Variants in FSTL4 observed in about 807,000 individuals in gnomAD.
FSTL4 encodes the protein follistatin-related protein 4.
FSTL4 carries 28 observed loss-of-function variants against 78.2 expected under a neutral mutation model. The observed-to-expected ratio is 0.36, with a 90% confidence interval of 0.27 to 0.49. The LOEUF (loss-of-function observed/expected upper bound fraction) is 0.49. Ranked by LOEUF, FSTL4 falls within the 20% of genes least tolerant of loss-of-function variation. The pLI, the probability that FSTL4 is intolerant of heterozygous loss-of-function variation, is 0.98. For missense variants in FSTL4, 922 were observed against 1,084.9 expected (o/e 0.85, Z 2.11); for synonymous variants, 422 against 440.5 (o/e 0.96, Z 0.53).
At chr5:133,808,441 A>G in the FSTL4 span, among the ~76,000 whole-genome samples, 1 of 152,178 alleles carries the variant, frequency 6.6e-6, no homozygotes, top group Non-Finnish European at 1.5e-5. Context: ...GCTACCAGAC[A>G]TGACTCTTGT....
At chr5:133,841,475 C>T in the FSTL4 span, among the ~76,000 whole-genome samples, 3 of 152,150 alleles carry the variant, frequency 2.0e-5, no homozygotes, top group African/African-American at 2.4e-5. Flanking sequence ...TACAGGAGCC[C>T]GAGTTCTTCT....
chr5:133,626,473 G>T, the FSTL4 span, among the ~76,000 whole-genome samples: 1 of 148,524 alleles, frequency 6.7e-6, no homozygotes, highest in African/African-American at 2.5e-5. Context: ...AAAGTACTTG[G>T]ATTACAGGTG....
At chr5:133,364,149 AAC>A (rs1421236284) in intron 4 of FSTL4, among the ~76,000 whole-genome samples, 4 of 152,208 alleles carry the variant, frequency 2.6e-5, no homozygotes. Context: ...AGAAATATGG[AAC>A]CAAGAGTGCC....
chr5:133,320,832 C>T (rs1754029569), intron 4 of FSTL4, among the ~76,000 whole-genome samples: 2 of 151,988 alleles, frequency 1.3e-5, no homozygotes, highest in African/African-American at 2.4e-5. Context: ...ACGGTGAAAC[C>T]CCGTCTCTAC....
chr5:133,220,772 G>A lies in FSTL4; in HGVS notation c.1434C>T (p.Pro478=), dbSNP rs1446883857. The change falls in exon 12 of 16, where the codon CCC becomes CCT. Residue 478 remains proline (P), a synonymous_variant. Transcript: ENST00000265342. ...VDCEIQRHLK[P]TEKIFMSYEE... is the part of the protein sequence containing the mutation. ...CATAGCTCATGAAAATCTTTTCCGTGGGTTTGAGGTGCCTCTGGATCTCAC... is the reference window on the plus strand; with the variant it reads ...CATAGCTCATGAAAATCTTTTCCGTAGGTTTGAGGTGCCTCTGGATCTCAC... 1 of 1,600,724 alleles carries A rather than the reference G, an allele frequency of 6.2e-7. No individual in the cohort carries two copies. The highest frequency in any genetic ancestry group is 1.1e-5 in the South Asian group (1 of 90,782).
At chr5:133,798,988 G>A in the FSTL4 span, among the ~76,000 whole-genome samples, 2 of 86,294 alleles carry the variant, frequency 2.3e-5, no homozygotes, top group Non-Finnish European at 5.5e-5. Context: ...GAGGGAGGGA[G>A]GAAGGGAGGG....
intron 7 of FSTL4, among the ~76,000 whole-genome samples, chr5:133,241,325 G>A (rs1751866924): frequency 6.6e-6 from 1 of 152,262 alleles, no homozygotes; most frequent in Non-Finnish European, 1.5e-5. Context: ...TATGTCAGAA[G>A]TGAGGGTGTC....
At chr5:133,280,208 A>G (rs1291136329) in intron 6 of FSTL4, among the ~76,000 whole-genome samples, 1 of 152,154 alleles carries the variant, frequency 6.6e-6, no homozygotes, top group African/African-American at 2.4e-5. Flanking sequence ...CTAGGCCTCA[A>G]TGTGGCCACC....
the FSTL4 span, among the ~76,000 whole-genome samples, chr5:133,734,734 C>A: frequency 6.6e-6 from 1 of 152,124 alleles, no homozygotes. Flanking sequence ...TTTCTCAGCC[C>A]AGTGTTTTCT....
intron 1 of FSTL4, among the ~76,000 whole-genome samples, chr5:133,608,284 A>G (rs1450072892): frequency 6.6e-6 from 1 of 152,232 alleles, no homozygotes; most frequent in Non-Finnish European, 1.5e-5. Flanking sequence ...TTTTGTTCCA[A>G]ACAAGTCATA....
At chr5:133,539,567 G>A (rs1468724563) in intron 3 of FSTL4, among the ~76,000 whole-genome samples, 1 of 152,096 alleles carries the variant, frequency 6.6e-6, no homozygotes, top group Non-Finnish European at 1.5e-5. Context: ...CACATCAGGT[G>A]CTGATGCATA....
At chr5:133,625,589 T>C in the FSTL4 span, among the ~76,000 whole-genome samples, 1 of 149,628 alleles carries the variant, frequency 6.7e-6, no homozygotes, top group Non-Finnish European at 1.5e-5. Flanking sequence ...TTTTTCTCCA[T>C]TGGGTTTTTG....
chr5:133,502,173 T>A (rs1241914021), intron 3 of FSTL4, among the ~76,000 whole-genome samples: 1 of 152,240 alleles, frequency 6.6e-6, no homozygotes, highest in African/African-American at 2.4e-5. Context: ...TTTGTGGTAC[T>A]TTGTTACAGC....
chr5:133,473,286 C>T (rs544780730), intron 3 of FSTL4, among the ~76,000 whole-genome samples: 1 of 152,338 alleles, frequency 6.6e-6, no homozygotes. Flanking sequence ...AGCATGTCAG[C>T]TGCTTGGCAG....
At chr5:133,326,897 C>T (rs972025970) in intron 4 of FSTL4, among the ~76,000 whole-genome samples, 4 of 152,246 alleles carry the variant, frequency 2.6e-5, no homozygotes, top group Non-Finnish European at 5.9e-5. Context: ...CTGCAGCCTG[C>T]CCATGGCCTG....
intron 4 of FSTL4, among the ~76,000 whole-genome samples, chr5:133,349,755 G>A (rs1252503997): frequency 2.1e-5 from 3 of 142,558 alleles, no homozygotes; most frequent in African/African-American, 5.3e-5. Context: ...AGGACCCAAA[G>A]GATGGACTTT....
At chr5:133,221,479 C>CG (rs1204194677) in intron 11 of FSTL4, among the ~76,000 whole-genome samples, 1 of 151,644 alleles carries the variant, frequency 6.6e-6, no homozygotes, top group Non-Finnish European at 1.5e-5. Flanking sequence ...GTCATGCCCC[C>CG]CTGACCCCGG....
intron 3 of FSTL4, among the ~76,000 whole-genome samples, chr5:133,474,191 T>C (rs1375979901): frequency 1.3e-5 from 2 of 152,156 alleles, no homozygotes; most frequent in African/African-American, 4.8e-5. Flanking sequence ...TGCATACAGG[T>C]GGTGCCTAAT....
At position 133,356,962 on chromosome 5, in the gene FSTL4, T is replaced by C. The variant is rs141960402; in HGVS notation, c.410-40310A>G. Reference sequence around the variant, plus strand: ...ATGCCACCCACTTTTCCATTTCAGGTTGGTTTTACAGTCCAGGGCCAGAGT... The same window carrying C: ...ATGCCACCCACTTTTCCATTTCAGGCTGGTTTTACAGTCCAGGGCCAGAGT... On this transcript the variant is annotated intron_variant, in intron 4 of 15. Coordinates refer to ENST00000265342, the MANE Select transcript of FSTL4 (RefSeq NM_015082.2). 9.2e-5 allele frequency among the ~76,000 whole-genome samples: 14 copies of C among 152,314 alleles called. No individual in the cohort carries two copies. The East Asian group carries it at 2.7e-3, about 29-fold the overall frequency.
Sources: gnomAD v4.1 joint callset for allele counts (sites outside exome capture counted in the v4.1 genomes callset) on GRCh38, gnomAD v4.1.1 for gene constraint, MANE v1.5 for transcripts, NCBI Gene and HGNC (gene_info 2026-07-23, HGNC 2026-07-21) for gene names.